Variants in SPOCK1 observed in about 807,000 individuals in gnomAD.
The protein encoded by SPOCK1 is testican-1.
A neutral mutation model predicts 55.3 loss-of-function variants in SPOCK1; 23 were observed. The ratio of observed to expected loss-of-function variants is 0.42; its 90% CI spans 0.30 to 0.59. SPOCK1 has a LOEUF of 0.59. SPOCK1 is among the 20% of genes least tolerant of loss of function. The pLI, the probability that SPOCK1 is intolerant of heterozygous loss-of-function variation, is 0.22. For missense variants in SPOCK1, 499 were observed against 552.5 expected, an observed-to-expected ratio of 0.90 and a Z score of 0.97; for synonymous variants, 226 against 221.0, an observed-to-expected ratio of 1.02 and a Z score of -0.20.
At chr5:137,024,979 T>A (rs1184115607) in intron 6 of SPOCK1, among the ~76,000 whole-genome samples, 1 of 152,168 alleles carries the variant, frequency 6.6e-6, no homozygotes, top group East Asian at 1.9e-4. Flanking sequence ...CTTGAGGACA[T>A]TATGCGAAGG....
intron 2 of SPOCK1, among the ~76,000 whole-genome samples, chr5:137,459,066 G>A (rs1753425306): frequency 6.6e-6 from 1 of 152,180 alleles, no homozygotes; most frequent in South Asian, 2.1e-4. Flanking sequence ...GAGGCTGGCA[G>A]CCCAAGTCCA....
chr5:137,018,391 C>T (rs943167469), intron 6 of SPOCK1, among the ~76,000 whole-genome samples: 1 of 152,188 alleles, frequency 6.6e-6, no homozygotes. Flanking sequence ...TACTATAATA[C>T]GTATAAATCA....
At chr5:137,412,588 G>T (rs1315521492) in intron 2 of SPOCK1, among the ~76,000 whole-genome samples, 3 of 152,172 alleles carry the variant, frequency 2.0e-5, no homozygotes, top group Non-Finnish European at 4.4e-5. Flanking sequence ...GAACCAGGTT[G>T]ACCCACTCAG....
intron 2 of SPOCK1, among the ~76,000 whole-genome samples, chr5:137,394,246 C>G (rs187463259): frequency 4.2e-4 from 64 of 152,316 alleles, no homozygotes; most frequent in African/African-American, 1.4e-3. Flanking sequence ...GGATCTTTAT[C>G]TCCACCGGTA....
chr5:137,253,475 G>A (rs1756576556), intron 3 of SPOCK1, among the ~76,000 whole-genome samples: 1 of 152,148 alleles, frequency 6.6e-6, no homozygotes, highest in African/African-American at 2.4e-5. Flanking sequence ...ATTCTATGGG[G>A]AGTCATTGTA....
At position 137,410,408 on chromosome 5, in the gene SPOCK1, A is replaced by G. The variant is rs146594229; in HGVS notation, c.186+87965T>C. ...TGGAAACTGATGACCATGTAGGTTT[A>G]TCATGACAACAGAGCCTTTTTAAGA... On this transcript the variant is annotated intron_variant, in intron 2 of 10. Transcript: ENST00000394945. Among the ~76,000 whole-genome samples, 562 of 152,346 alleles carry G rather than the reference A, an allele frequency of 3.7e-3. 5 individuals carry two copies. The highest frequency in any genetic ancestry group is 0.013 in the African/African-American group (541 of 41,572).
At chr5:137,136,307 AC>A (rs748351456) in intron 4 of SPOCK1, among the ~76,000 whole-genome samples, 2 of 152,140 alleles carry the variant, frequency 1.3e-5, no homozygotes. Context: ...AAAATGTATA[AC>A]TATATTGCTT....
chr5:137,313,382 G>C, intron 2 of SPOCK1: 3 of 983,110 alleles, frequency 3.1e-6, no homozygotes, highest in Non-Finnish European at 3.6e-6. Flanking sequence ...AAAGATTAAA[G>C]AGAAGAAAAG....
chr5:137,278,810 T>C (rs1757115903), intron 2 of SPOCK1, among the ~76,000 whole-genome samples: 1 of 152,124 alleles, frequency 6.6e-6, no homozygotes, highest in African/African-American at 2.4e-5. Context: ...ACTGATGTCA[T>C]GTGGACAAGA....
intron 2 of SPOCK1, among the ~76,000 whole-genome samples, chr5:137,318,094 A>G (rs1422126369): frequency 2.0e-5 from 3 of 152,232 alleles, no homozygotes; most frequent in Admixed American, 2.0e-4. Context: ...TAGTCATTTA[A>G]TGTAACTGCA....
intron 2 of SPOCK1, among the ~76,000 whole-genome samples, chr5:137,432,601 G>A (rs1240270348): frequency 1.3e-5 from 2 of 152,108 alleles, no homozygotes; most frequent in Admixed American, 6.5e-5. Context: ...GTGGTTGCCT[G>A]GGGCTGGGAG....
At chr5:137,063,896 T>A (rs181460517) in intron 6 of SPOCK1, among the ~76,000 whole-genome samples, 1 of 152,302 alleles carries the variant, frequency 6.6e-6, no homozygotes, top group East Asian at 1.9e-4. Flanking sequence ...AACAGATCCA[T>A]GAAGAGAAGG....
At chr5:137,258,484 T>A (rs1756681513) in intron 3 of SPOCK1, among the ~76,000 whole-genome samples, 1 of 152,204 alleles carries the variant, frequency 6.6e-6, no homozygotes, top group South Asian at 2.1e-4. Flanking sequence ...ATTGGGAAAA[T>A]GCAATAATCC....
chr5:136,980,752 T>C (rs1169517392), intron 9 of SPOCK1, among the ~76,000 whole-genome samples: 1 of 152,154 alleles, frequency 6.6e-6, no homozygotes, highest in African/African-American at 2.4e-5. Flanking sequence ...AGGCATATAA[T>C]TTTGTTTTGG....
At chr5:137,299,497 C>A (rs1197794345) in intron 2 of SPOCK1, among the ~76,000 whole-genome samples, 2 of 151,788 alleles carry the variant, frequency 1.3e-5, no homozygotes, top group Non-Finnish European at 2.9e-5. Context: ...ACATATATTT[C>A]ATTCATTCCT....
At chr5:136,986,455 T>A (rs1039871578) in intron 8 of SPOCK1, among the ~76,000 whole-genome samples, 21 of 152,182 alleles carry the variant, frequency 1.4e-4, no homozygotes, top group Non-Finnish European at 2.8e-4. Flanking sequence ...ACTACTAAAA[T>A]TTTTAAATGG....
chr5:137,067,594 C>G (rs1051974382), intron 6 of SPOCK1, 121 bp downstream of exon 6: 76 of 770,542 alleles, frequency 9.9e-5, no homozygotes, highest in Non-Finnish European at 1.5e-4. Context: ...GGAGTACTTA[C>G]CTGTCATGTC....
At chr5:137,148,675 T>C (rs1390220057) in intron 3 of SPOCK1, among the ~76,000 whole-genome samples, 11 of 152,218 alleles carry the variant, frequency 7.2e-5, no homozygotes, top group Admixed American at 7.2e-4. Flanking sequence ...CGACCAACTA[T>C]AGAATAATGT....
Position 137,130,504 on chromosome 5 carries a change from A to C in SPOCK1, c.347+10076T>G, listed in dbSNP as rs144037574. On this transcript the variant is annotated intron_variant, in intron 4 of 10. Coordinates refer to ENST00000394945, the MANE Select transcript of SPOCK1 (RefSeq NM_004598.4). ...TTTCTGAGCTAGTCCTGCTGAAGCA[A>C]CTACAGGAAGGACTCAAGCTCTAAA... 2.8e-3 allele frequency among the ~76,000 whole-genome samples: 426 copies of C among 152,364 alleles called. 3 individuals are homozygous for C. The highest frequency in any genetic ancestry group is 9.6e-3 in the African/African-American group (399 of 41,596).
Sources: gnomAD v4.1 joint callset for allele counts (sites outside exome capture counted in the v4.1 genomes callset) on GRCh38, gnomAD v4.1.1 for gene constraint, MANE v1.5 for transcripts, NCBI Gene and HGNC (gene_info 2026-07-23, HGNC 2026-07-21) for gene names.